The following TDRD5 variants were observed in gnomAD, a reference collection of about 807,000 sequenced individuals.
TDRD5 encodes tudor domain containing 5.
In TDRD5, 41 loss-of-function variants were observed where a neutral mutation model predicts 120.6. The observed-to-expected ratio is 0.34, with a 90% CI of 0.26 to 0.44. The LOEUF is 0.44. Ranked by LOEUF, TDRD5 falls within the 20% of genes least tolerant of loss-of-function variation. TDRD5 has a pLI of 1.00. For synonymous variants in TDRD5, 430 were observed against 433.7 expected (o/e 0.99, Z 0.11); for missense variants, 1,006 against 1,221.2 (o/e 0.82, Z 2.63).
intron 17 of TDRD5, among the ~76,000 whole-genome samples, chr1:179,671,793 C>T (rs947181867): frequency 3.9e-5 from 6 of 152,046 alleles, no homozygotes; most frequent in African/African-American, 9.7e-5. Flanking sequence ...TATGCCTTTG[C>T]GTCCTCATAG....
chr1:179,643,953 G>A (rs1478046670), intron 11 of TDRD5, among the ~76,000 whole-genome samples: 1 of 152,110 alleles, frequency 6.6e-6, no homozygotes, highest in Non-Finnish European at 1.5e-5. Context: ...CAGCAAGAAG[G>A]GGGAAAATAC....
intron 17 of TDRD5, among the ~76,000 whole-genome samples, chr1:179,689,207 A>G (rs1680957268): frequency 6.6e-6 from 1 of 152,142 alleles, no homozygotes; most frequent in Non-Finnish European, 1.5e-5. Flanking sequence ...GTCTTTGATG[A>G]TGGTGATGTA....
intron 17 of TDRD5, among the ~76,000 whole-genome samples, chr1:179,683,017 T>TTCTC (rs34834861): frequency 4.0e-5 from 6 of 150,992 alleles, no homozygotes; most frequent in Non-Finnish European, 5.9e-5. Context: ...CCTCAGTTTC[T>TTCTC]TCTCTCTCTC....
In TDRD5 at chr1:179,592,153, C is replaced by G. The variant is rs535868218; in HGVS notation, c.-15+28C>G. 4.4e-5 allele frequency: 7 copies of G among 160,542 alleles called. No homozygotes were observed. In the South Asian group the frequency reaches 1.2e-3, roughly 29 times the overall value. 9.9% of individuals were successfully genotyped at this position (160,542 alleles called of 1,614,324 possible). ...AGGGGGCGGGCGAAGATTGGTGGTA[C>G]CTTCAGGTAAGAGGGAGCGGGGAGC... On this transcript the variant is annotated intron_variant, in intron 1 of 17. Coordinates refer to ENST00000444136, the MANE Select transcript of TDRD5 (RefSeq NM_001199085.3).
chr1:179,608,771 A>T (rs920545371), intron 4 of TDRD5, among the ~76,000 whole-genome samples: 22 of 151,296 alleles, frequency 1.5e-4, no homozygotes, highest in Non-Finnish European at 3.1e-4. Context: ...CCCTAACATG[A>T]TCATATTCTA....
At chr1:179,657,719 AT>A (rs1208251727) in intron 14 of TDRD5, among the ~76,000 whole-genome samples, 1 of 150,682 alleles carries the variant, frequency 6.6e-6, no homozygotes, top group Non-Finnish European at 1.5e-5. Context: ...GTGGATCTTT[AT>A]TTTCTTAGTT....
rs757855975 is a variant in TDRD5, at chr1:179,635,679, A to G, written c.1312A>G (p.Asn438Asp). The G allele has an allele frequency of 2.5e-6, 4 of 1,613,842 alleles. No homozygotes were observed. The African/African-American group carries it at 5.3e-5, about 22-fold the overall frequency. ...TTCTAACTTATAGCAAGTAGAAACAAACAAATCAGAGCTCAACTTGGCAAT... is the reference window on the plus strand; with the variant it reads ...TTCTAACTTATAGCAAGTAGAAACAGACAAATCAGAGCTCAACTTGGCAAT... ...VKPLQLQVET[N>D]KSELNLAMAN... Residue 438 changes from asparagine (N) to aspartate (D), a missense_variant, in exon 9 of 18, where the codon AAC (asparagine) becomes GAC (aspartate). Transcript: ENST00000444136.
Position 179,593,590 on chromosome 1 carries a change from A to G in TDRD5, c.363A>G (p.Val121=). Residue 121 remains valine, a synonymous_variant, in exon 3 of 18, where the codon GTA becomes GTG. Coordinates refer to ENST00000444136, the MANE Select transcript of TDRD5 (RefSeq NM_001199085.3). ...CTGGACCGAGATCTCATCGGCGAGT[A>G]CCTTACCGAGGAAGGGTTGCCCCTA... ...IYSGPRSHRR[V]PYRGRVAPIL... The G allele has an allele frequency of 1.9e-6, 3 of 1,614,222 alleles. No individual in the cohort carries two copies. Among genetic ancestry groups the G allele is most frequent in the Non-Finnish European group, 8.5e-7 (1 of 1,180,040 alleles).
intron 15 of TDRD5, 119 bp from the exon 16 acceptor site, chr1:179,663,229 A>T: frequency 8.3e-7 from 1 of 1,211,980 alleles, no homozygotes; most frequent in Non-Finnish European, 1.1e-6. Flanking sequence ...ATAGAAAGTT[A>T]ATAAATACCT....
At chr1:179,595,516 GCTT>G in intron 3 of TDRD5, 109 bp from the exon 4 acceptor site, 1 of 832,216 alleles carries the variant, frequency 1.2e-6, no homozygotes, top group Non-Finnish European at 1.8e-6. Context: ...CTTAATTTTT[GCTT>G]CTAAGTTGAA....
chr1:179,631,064 G>C (rs1250936596), intron 7 of TDRD5, 144 bp downstream of exon 7: 1 of 899,574 alleles, frequency 1.1e-6, no homozygotes, highest in African/African-American at 1.7e-5. Flanking sequence ...AGGTTAATCT[G>C]TATTGTTAAT....
At chr1:179,609,292 G>A (rs1676158455) in intron 4 of TDRD5, among the ~76,000 whole-genome samples, 1 of 152,106 alleles carries the variant, frequency 6.6e-6, no homozygotes, top group Non-Finnish European at 1.5e-5. Context: ...GTCTAAATAT[G>A]AAATTCATAT....
At position 179,633,953 on chromosome 1, in the gene TDRD5, C is replaced by A. The variant is rs555130868; in HGVS notation, c.1127-504C>A. Among the ~76,000 whole-genome samples, 1,224 of 151,802 alleles carry A rather than the reference C, an allele frequency of 8.1e-3. 16 individuals are homozygous for A. Among genetic ancestry groups the A allele is most frequent in the African/African-American group, 0.028 (1,171 of 41,450 alleles). Reference sequence around the variant, plus strand: ...TTGGGAGGCCGAGGCGGGCAGATCACGAGGTCAGGAGATAGAGACCATCCT... The same window carrying A: ...TTGGGAGGCCGAGGCGGGCAGATCAAGAGGTCAGGAGATAGAGACCATCCT... On this transcript the variant is annotated intron_variant, in intron 7 of 17. Coordinates refer to ENST00000444136, the MANE Select transcript of TDRD5 (RefSeq NM_001199085.3).
rs770957450 is a variant in TDRD5, at chr1:179,635,695, A to G, written c.1328A>G (p.Asn443Ser). Reference protein sequence around the residue: ...LQVETNKSELNLAMANHDIPP... With the variant: ...LQVETNKSELSLAMANHDIPP... The stretch of plus-strand genomic sequence containing the variant: ...GTAGAAACAAACAAATCAGAGCTCA[A>G]CTTGGCAATGGCAAATCATGACATC... The change falls in exon 9 of 18, where the codon AAC becomes AGC. Residue 443 changes from asparagine to serine, a missense_variant. Physicochemically the swap from Asn to Ser is conservative, Grantham distance 46. Around this residue, in one of 3 missense-constraint regions of TDRD5, gnomAD observed 445 missense variants for 515.5 expected, o/e 0.86. Coordinates refer to ENST00000444136, the MANE Select transcript of TDRD5 (RefSeq NM_001199085.3). 12 of 1,613,962 alleles carry G rather than the reference A, an allele frequency of 7.4e-6. No individual in the cohort carries two copies. The African/African-American group carries it at 8.0e-5, about 11-fold the overall frequency.
At chr1:179,597,788 G>T (rs1675484706) in intron 4 of TDRD5, among the ~76,000 whole-genome samples, 1 of 152,150 alleles carries the variant, frequency 6.6e-6, no homozygotes, top group African/African-American at 2.4e-5. Context: ...ATGGATCAAA[G>T]TTTTCTGCAT....
At chr1:179,600,625 T>G (rs944414958) in intron 4 of TDRD5, among the ~76,000 whole-genome samples, 1 of 152,224 alleles carries the variant, frequency 6.6e-6, no homozygotes, top group African/African-American at 2.4e-5. Context: ...ATTTTTCCAC[T>G]TTTTATTTCA....
At chr1:179,675,545 C>T (rs1437246776) in intron 17 of TDRD5, among the ~76,000 whole-genome samples, 1 of 151,946 alleles carries the variant, frequency 6.6e-6, no homozygotes, top group African/African-American at 2.4e-5. Flanking sequence ...TCCCAAAGTG[C>T]TGGGATTACA....
rs1398310704 is a variant in TDRD5 at position 179,683,376 on chromosome 1, C to T, written c.2861-7320C>T. On this transcript the variant is annotated intron_variant, in intron 17 of 17. Transcript: ENST00000444136. ...TTTGCTACTCTTAAATCTTTGGTCA[C>T]GTGTTCCTGCTTTTCATACCTTTTG... Among the ~76,000 whole-genome samples, 7 of 152,170 alleles carry T rather than the reference C, an allele frequency of 4.6e-5. No individual in the cohort carries two copies. The South Asian group carries it at 1.2e-3, about 27-fold the overall frequency.
intron 14 of TDRD5, among the ~76,000 whole-genome samples, chr1:179,658,940 G>C (rs1263330207): frequency 6.6e-6 from 1 of 152,016 alleles, no homozygotes; most frequent in Non-Finnish European, 1.5e-5. Flanking sequence ...TCACAAATTT[G>C]AACATATTGT....
Sources: allele counts gnomAD v4.1 joint callset (sites outside exome capture counted in the v4.1 genomes callset), GRCh38; gene constraint gnomAD v4.1.1; regional missense constraint gnomAD v4.1.1; transcripts MANE v1.5; gene names NCBI Gene and HGNC (gene_info 2026-07-23, HGNC 2026-07-21).